The following CEP128 variants were observed in gnomAD, a reference collection of about 807,000 sequenced individuals.
CEP128 encodes centrosomal protein 128.
In CEP128, 132 loss-of-function variants were observed where a neutral mutation model predicts 156.7. The ratio of observed to expected loss-of-function variants is 0.84; its 90% confidence interval spans 0.73 to 0.97. The LOEUF is 0.97. Ranked by LOEUF, CEP128 falls within the 50% of genes least tolerant of loss-of-function variation. The pLI is 0.00. For missense variants in CEP128, 1,252 were observed against 1,281.9 expected, an observed-to-expected ratio of 0.98 and a Z score of 0.36; for synonymous variants, 469 against 448.9, an observed-to-expected ratio of 1.04 and a Z score of -0.57.
At chr14:80,494,721 G>A (rs12893912), downstream of CEP128, among the ~76,000 whole-genome samples, 3 of 152,274 alleles carry the variant, frequency 2.0e-5, no homozygotes, top group South Asian at 4.1e-4. Context: ...CATTTTCTTA[G>A]TTAAGTAGGT....
chr14:80,891,377 A>G (rs184627245), intron 8 of CEP128, among the ~76,000 whole-genome samples: 3 of 152,258 alleles, frequency 2.0e-5, no homozygotes. Context: ...TCAGCCAAAA[A>G]AAAGATGAGG....
chr14:80,729,088 T>TGTCTGTGTGTGC (rs1308365724), intron 19 of CEP128, among the ~76,000 whole-genome samples: 3 of 68,720 alleles, frequency 4.4e-5, no homozygotes, highest in African/African-American at 9.8e-5. Context: ...TGTGTGTGTG[T>TGTCTGTGTGTGC]GTGTGTGTGT....
At chr14:80,815,811 G>A (rs1361790617) in intron 13 of CEP128, among the ~76,000 whole-genome samples, 2 of 152,170 alleles carry the variant, frequency 1.3e-5, no homozygotes, top group Non-Finnish European at 2.9e-5. Context: ...TTATGATTAA[G>A]TGAAACAACT....
Position 80,501,604 on chromosome 14 carries a change from A to C in CEP128, c.3181+3308T>G, listed in dbSNP as rs142498386. Among the ~76,000 whole-genome samples the C allele has an allele frequency of 8.1e-3, 1,229 of 151,716 alleles. 20 individuals carry two copies. The highest frequency in any genetic ancestry group is 0.029 in the African/African-American group (1,179 of 41,330). On this transcript the variant is annotated intron_variant, in intron 24 of 24. Coordinates refer to ENST00000555265, the MANE Select transcript of CEP128 (RefSeq NM_152446.5). ...ACTGCAACCTCCGCCTCCCGGGTTC[A>C]AGCGATTCTTTTGCCTCAGCCTCCC...
At chr14:80,809,275 G>A (rs547312452) in intron 13 of CEP128, among the ~76,000 whole-genome samples, 3 of 151,920 alleles carry the variant, frequency 2.0e-5, no homozygotes, top group African/African-American at 7.3e-5. Flanking sequence ...AAGCTGAAGA[G>A]AGAATCTCAG....
intron 14 of CEP128, among the ~76,000 whole-genome samples, chr14:80,788,288 C>CT (rs10628361): frequency 0.51 from 49,838 of 97,746 alleles, 13,822 homozygotes; most frequent in East Asian, 0.73. Context: ...TGGCCAGGAT[C>CT]TTTTTTTTTT....
At chr14:80,600,045 T>C (rs1349935800) in intron 19 of CEP128, among the ~76,000 whole-genome samples, 3 of 152,152 alleles carry the variant, frequency 2.0e-5, no homozygotes, top group East Asian at 3.9e-4. Flanking sequence ...CCAGATTCAT[T>C]CTTTTTTGTC....
At chr14:80,516,169 T>C (rs913415008) in intron 23 of CEP128, among the ~76,000 whole-genome samples, 6 of 152,174 alleles carry the variant, frequency 3.9e-5, no homozygotes, top group Admixed American at 2.6e-4. Context: ...ACGGGCTCTT[T>C]AGTCAGCAGG....
rs201324280 is a variant in CEP128 at position 80,913,183 on chromosome 14, T to C, written c.234+1139A>G. On this transcript the variant is annotated intron_variant, in intron 4 of 24. Transcript: ENST00000555265. ...AGCAAATTTTTAAGTGCATATATCC[T>C]TTAACCCTGCAATTCTACTTCCAGC... Among the ~76,000 whole-genome samples the C allele has an allele frequency of 2.6e-5, 4 of 151,334 alleles. No homozygotes were observed. In the East Asian group the frequency reaches 7.7e-4, roughly 29 times the overall value.
intron 19 of CEP128, among the ~76,000 whole-genome samples, chr14:80,740,551 C>CAGACAGAT (rs71878031): frequency 0.026 from 3,604 of 139,922 alleles, 135 homozygotes; most frequent in East Asian, 0.13. Flanking sequence ...GATAGACAGA[C>CAGACAGAT]AGATAGATAG....
At chr14:80,520,989 ATTTTTTTTT>A (rs533538115) in intron 23 of CEP128, among the ~76,000 whole-genome samples, 4 of 114,604 alleles carry the variant, frequency 3.5e-5, no homozygotes, top group East Asian at 2.4e-4. Context: ...CGCCCAGCTA[ATTTTTTTTT>A]TTTTTTTTTT....
At chr14:80,563,522 ATC>A (rs1890778672) in intron 20 of CEP128, among the ~76,000 whole-genome samples, 12 of 107,166 alleles carry the variant, frequency 1.1e-4, no homozygotes, top group Admixed American at 5.9e-4. Context: ...GGGCCTCCAA[ATC>A]TTTTTTTTTT....
intron 13 of CEP128, among the ~76,000 whole-genome samples, chr14:80,814,006 T>C (rs913086071): frequency 6.6e-6 from 1 of 152,222 alleles, no homozygotes; most frequent in Non-Finnish European, 1.5e-5. Context: ...AATTATTTTG[T>C]TGCAGCACTT....
At position 80,781,965 on chromosome 14, in the gene CEP128, G is replaced by A. The variant is rs371784624; in HGVS notation, c.2211+2930C>T. 3.3e-5 allele frequency among the ~76,000 whole-genome samples: 5 copies of A among 152,226 alleles called. 1 individual carries two copies. The East Asian group carries it at 5.8e-4, about 18-fold the overall frequency. ...GACATAAGTACTAGTGAGAAGGAAG[G>A]TTCTAGTTTCAACAACACTCTCAAG... On this transcript the variant is annotated intron_variant, in intron 15 of 24. Coordinates refer to ENST00000555265, the MANE Select transcript of CEP128 (RefSeq NM_152446.5).
intron 19 of CEP128, among the ~76,000 whole-genome samples, chr14:80,676,337 C>T (rs988659035): frequency 6.6e-6 from 1 of 151,962 alleles, no homozygotes; most frequent in Non-Finnish European, 1.5e-5. Flanking sequence ...AATCTTTAAA[C>T]TTACGTTTCC....
At chr14:80,927,157 G>C (rs936689651) in intron 2 of CEP128, among the ~76,000 whole-genome samples, 3 of 152,156 alleles carry the variant, frequency 2.0e-5, no homozygotes, top group Non-Finnish European at 2.9e-5. Context: ...TAGGGTAAGG[G>C]GGCGTGTACC....
At chr14:80,855,793 C>G (rs762039337) in intron 9 of CEP128, among the ~76,000 whole-genome samples, 1 of 152,148 alleles carries the variant, frequency 6.6e-6, no homozygotes, top group Admixed American at 6.5e-5. Flanking sequence ...AGGTTCTCCC[C>G]TGCTGTGTGA....
intron 13 of CEP128, among the ~76,000 whole-genome samples, chr14:80,821,740 A>T: frequency 6.6e-6 from 1 of 151,742 alleles, no homozygotes; most frequent in African/African-American, 2.4e-5. Context: ...AAGTGGTGTG[A>T]ACATGGCTCA....
At chr14:80,722,795 A>G (rs1897869227) in intron 19 of CEP128, among the ~76,000 whole-genome samples, 1 of 150,322 alleles carries the variant, frequency 6.7e-6, no homozygotes, top group African/African-American at 2.4e-5. Flanking sequence ...GCATTCTGTC[A>G]TCTGGTAGCA....
Sources: allele counts gnomAD v4.1 joint callset (sites outside exome capture counted in the v4.1 genomes callset), GRCh38; gene constraint gnomAD v4.1.1; transcripts MANE v1.5; gene names NCBI Gene and HGNC (gene_info 2026-07-23, HGNC 2026-07-21).